Variants in GPM6B observed in about 807,000 individuals in gnomAD.
GPM6B encodes neuronal membrane glycoprotein M6-b.
Under a neutral mutation model 27.2 loss-of-function variants are expected in GPM6B, and 4 were observed. That is an observed-to-expected ratio of 0.15 (90% CI 0.07 to 0.34). The LOEUF (loss-of-function observed/expected upper bound fraction) is 0.34. GPM6B is among the 10% of genes least tolerant of loss of function. The probability of loss-of-function intolerance (pLI) is 1.00; values close to 1 mark genes in which losing one functional copy is unlikely to be tolerated. For missense variants in GPM6B, 183 were observed against 261.9 expected, an observed-to-expected ratio of 0.70 and a Z score of 2.08; for synonymous variants, 124 against 103.1, an observed-to-expected ratio of 1.20 and a Z score of -1.23.
At chrX:13,782,246 A>C (rs1160189105) in intron 4 of GPM6B, among the ~76,000 whole-genome samples, 1 of 111,933 alleles carries the variant, frequency 8.9e-6, no homozygotes, top group Non-Finnish European at 1.9e-5. Context: ...AAAATCTGAC[A>C]TAAGAGCTAA....
intron 1 of GPM6B, among the ~76,000 whole-genome samples, chrX:13,899,086 TAGAC>T (rs924104437): frequency 2.7e-5 from 3 of 110,840 alleles, no homozygotes; most frequent in African/African-American, 9.9e-5. Context: ...ACACAGCACA[TAGAC>T]AGATATGCAG....
At chrX:13,805,449 C>T (rs755984337) in intron 2 of GPM6B, among the ~76,000 whole-genome samples, 23 of 112,377 alleles carry the variant, frequency 2.0e-4, no homozygotes, top group Middle Eastern at 4.6e-3. Context: ...TCTGCAGAGA[C>T]ACTCAGTGGT....
intron 1 of GPM6B, among the ~76,000 whole-genome samples, chrX:13,827,932 T>A (rs2049395291): frequency 9.0e-6 from 1 of 111,088 alleles, no homozygotes; most frequent in Admixed American, 9.5e-5. Context: ...ATAGAGTCAA[T>A]GTGTGGATTA....
intron 1 of GPM6B, among the ~76,000 whole-genome samples, chrX:13,887,778 G>A (rs1473450897): frequency 8.9e-6 from 1 of 111,865 alleles, no homozygotes; most frequent in Admixed American, 9.5e-5. Context: ...TCACTAGGCT[G>A]CACCCTAGAA....
intron 7 of GPM6B, among the ~76,000 whole-genome samples, chrX:13,775,169 G>A (rs1462853203): frequency 8.9e-6 from 1 of 112,438 alleles, no homozygotes; most frequent in Non-Finnish European, 1.9e-5. Context: ...AAAATTACAT[G>A]TATACAAACA....
chrX:13,785,592 A>T (rs763252137), intron 3 of GPM6B, 30 bp downstream of exon 3: 12 of 1,188,790 alleles, frequency 1.0e-5, no homozygotes, highest in South Asian at 1.8e-5. Flanking sequence ...CAGGCCTTAG[A>T]TGCATTTTTA....
intron 1 of GPM6B, among the ~76,000 whole-genome samples, chrX:13,811,853 A>G (rs1209256392): frequency 9.0e-6 from 1 of 111,005 alleles, no homozygotes; most frequent in African/African-American, 3.3e-5. Flanking sequence ...TCAGCTGGCT[A>G]AGGATCAAAA....
chrX:13,807,063 C>T (rs769829186), intron 2 of GPM6B, among the ~76,000 whole-genome samples: 2 of 112,223 alleles, frequency 1.8e-5, no homozygotes, highest in African/African-American at 6.5e-5. Context: ...GGCCAATGTT[C>T]CTCACGAGCA....
At chrX:13,800,555 C>T (rs1424977325) in intron 2 of GPM6B, among the ~76,000 whole-genome samples, 1 of 112,285 alleles carries the variant, frequency 8.9e-6, no homozygotes, top group Non-Finnish European at 1.9e-5. Context: ...CGAAACATTA[C>T]TTCAAGAGGA....
chrX:13,776,454 G>T, intron 6 of GPM6B, 151 bp from the exon 7 acceptor site: 1 of 440,142 alleles, frequency 2.3e-6, no homozygotes, highest in South Asian at 5.4e-5. Context: ...TGGCCTCATG[G>T]TGGAATCACC....
chrX:13,829,765 G>A (rs985762240), intron 1 of GPM6B, among the ~76,000 whole-genome samples: 20 of 111,296 alleles, frequency 1.8e-4, no homozygotes, highest in African/African-American at 6.5e-4. Flanking sequence ...ATGCCTTCAA[G>A]GGTACTCTTT....
At chrX:13,913,268 G>T (rs190055740) in intron 1 of GPM6B, among the ~76,000 whole-genome samples, 182 of 110,086 alleles carry the variant, frequency 1.7e-3, no homozygotes, top group African/African-American at 5.7e-3. Context: ...TCCCACTTTA[G>T]CCTCCTGAGC....
intron 2 of GPM6B, 144 bp downstream of exon 2, chrX:13,807,506 A>AG (rs2049044919): frequency 2.4e-6 from 1 of 417,606 alleles, no homozygotes; most frequent in Non-Finnish European, 4.1e-6. Context: ...AAATGTTTAT[A>AG]GGGCGAATTC....
intron 1 of GPM6B, among the ~76,000 whole-genome samples, chrX:13,832,395 C>T (rs936614084): frequency 8.9e-6 from 1 of 112,037 alleles, no homozygotes; most frequent in Admixed American, 9.5e-5. Context: ...TTGAAGTATC[C>T]GAAATTTACT....
chrX:13,800,711 G>A (rs2048905757), intron 2 of GPM6B, among the ~76,000 whole-genome samples: 1 of 111,687 alleles, frequency 9.0e-6, no homozygotes, highest in South Asian at 3.7e-4. Context: ...TATAATGAGG[G>A]GTTATGGCCT....
chrX:13,846,942 G>A (rs1365545661), intron 1 of GPM6B, among the ~76,000 whole-genome samples: 2 of 109,831 alleles, frequency 1.8e-5, no homozygotes, highest in Non-Finnish European at 3.8e-5. Flanking sequence ...TATGAGGAGG[G>A]TGAGTGCTTT....
rs2049118440 is a variant in GPM6B, at chrX:13,810,860, C to G, written c.62-3091G>C. On this transcript the variant is annotated intron_variant, in intron 1 of 7. Coordinates refer to ENST00000316715, the MANE Select transcript of GPM6B (RefSeq NM_001001995.3). ...CACTTCTGGAGGGGCCTTTTTACAACAGTAAATCTTTAGATATGAAAGAAA... is the reference window on the plus strand; with the variant it reads ...CACTTCTGGAGGGGCCTTTTTACAAGAGTAAATCTTTAGATATGAAAGAAA... Among the ~76,000 whole-genome samples the G allele has an allele frequency of 2.7e-5, 3 of 110,139 alleles. No homozygotes were observed. The Admixed American group carries it at 2.9e-4, about 11-fold the overall frequency.
chrX:13,936,435 T>C lies in GPM6B; in HGVS notation c.-198+1892A>G, dbSNP rs1218613702. Among the ~76,000 whole-genome samples, 4 of 112,021 alleles carry C rather than the reference T, an allele frequency of 3.6e-5. No homozygotes were observed. The East Asian group carries it at 1.1e-3, about 31-fold the overall frequency. On this transcript the variant is annotated intron_variant, in intron 1 of 6. Coordinates refer to the GPM6B transcript ENST00000398361. Reference sequence around the variant, plus strand: ...GAACTAATTGTATTAAGAACCAAAGTCCCGACTTAATGGGCCAATGGTCAG... The same window carrying C: ...GAACTAATTGTATTAAGAACCAAAGCCCCGACTTAATGGGCCAATGGTCAG...
At chrX:13,820,354 G>T (rs2049294317), upstream of GPM6B, among the ~76,000 whole-genome samples, 1 of 111,005 alleles carries the variant, frequency 9.0e-6, no homozygotes, top group African/African-American at 3.3e-5. Flanking sequence ...TCTAGCTTGG[G>T]TGAGTGAGGA....
Sources: gnomAD v4.1 joint callset for allele counts (sites outside exome capture counted in the v4.1 genomes callset) on GRCh38, gnomAD v4.1.1 for gene constraint, MANE v1.5 for transcripts, NCBI Gene and HGNC (gene_info 2026-07-23, HGNC 2026-07-21) for gene names.